MAML3: variants seen among roughly 807,000 people sequenced by gnomAD.
MAML3 encodes mastermind like transcriptional coactivator 3.
A neutral mutation model predicts 101.9 loss-of-function variants in MAML3; 27 were observed. The observed-to-expected ratio is 0.27, with a 90% CI of 0.20 to 0.37. The LOEUF (loss-of-function observed/expected upper bound fraction) is 0.37. MAML3 is among the 10% of genes least tolerant of loss of function. The pLI, the probability that MAML3 is intolerant of heterozygous loss-of-function variation, is 1.00. For synonymous variants in MAML3, 501 were observed against 555.9 expected, an observed-to-expected ratio of 0.90 and a Z score of 1.39; for missense variants, 1,316 against 1,444.9, an observed-to-expected ratio of 0.91 and a Z score of 1.45.
chr4:139,986,713 A>C (rs1734545945), intron 1 of MAML3, among the ~76,000 whole-genome samples: 1 of 152,122 alleles, frequency 6.6e-6, no homozygotes, highest in South Asian at 2.1e-4. Flanking sequence ...CAAACTTGAC[A>C]TTGGAAAGCA....
intron 2 of MAML3, among the ~76,000 whole-genome samples, chr4:139,798,692 C>T (rs1339468283): frequency 6.6e-6 from 1 of 152,216 alleles, no homozygotes; most frequent in Non-Finnish European, 1.5e-5. Context: ...GCCAATTCCA[C>T]AAAAACACCA....
intron 2 of MAML3, chr4:139,888,596 G>T (rs1223158845): frequency 1.9e-6 from 1 of 519,030 alleles, no homozygotes; most frequent in Non-Finnish European, 3.8e-6. Flanking sequence ...CCGACTGGTT[G>T]CTGCTCATTT....
intron 2 of MAML3, among the ~76,000 whole-genome samples, chr4:139,832,282 A>AT (rs201908555): frequency 0.078 from 11,038 of 140,866 alleles, 837 homozygotes; most frequent in African/African-American, 0.21. Flanking sequence ...TTTTTTTTTT[A>AT]TTTTTATTTT....
intron 1 of MAML3, among the ~76,000 whole-genome samples, chr4:139,963,050 C>T (rs774892204): frequency 1.7e-4 from 26 of 152,010 alleles, no homozygotes; most frequent in Non-Finnish European, 3.5e-4. Context: ...TTTTAACATC[C>T]CTGGAAGAAA....
At chr4:139,966,853 G>A (rs1379969478) in intron 1 of MAML3, among the ~76,000 whole-genome samples, 3 of 152,116 alleles carry the variant, frequency 2.0e-5, no homozygotes, top group East Asian at 1.9e-4. Context: ...GAATGACTGC[G>A]ATACAGCCCT....
chr4:139,731,299 T>A (rs908127488), intron 2 of MAML3: 3 of 153,274 alleles, frequency 2.0e-5, no homozygotes, highest in Non-Finnish European at 4.4e-5. Flanking sequence ...CTAATATTTT[T>A]AAAAATAGAA....
chr4:140,146,424 TA>T (rs1407560292), intron 1 of MAML3, among the ~76,000 whole-genome samples: 1 of 152,208 alleles, frequency 6.6e-6, no homozygotes, highest in African/African-American at 2.4e-5. Context: ...TTTAAGTATT[TA>T]TTATACAGCA....
chr4:139,743,108 C>T (rs1729216114), intron 2 of MAML3, among the ~76,000 whole-genome samples: 2 of 152,254 alleles, frequency 1.3e-5, no homozygotes, highest in Admixed American at 1.3e-4. Context: ...CTTCACTCTG[C>T]TTCCCAGATC....
chr4:139,896,544 C>T (rs549302746), intron 1 of MAML3, among the ~76,000 whole-genome samples: 1 of 151,886 alleles, frequency 6.6e-6, no homozygotes, highest in Non-Finnish European at 1.5e-5. Context: ...AATTCATCTT[C>T]CATAATGGCT....
chr4:140,053,307 C>G (rs183430718), intron 1 of MAML3, among the ~76,000 whole-genome samples: 1 of 152,170 alleles, frequency 6.6e-6, no homozygotes, highest in East Asian at 1.9e-4. Flanking sequence ...TCCTACTACT[C>G]CCCTTCATCT....
At chr4:139,838,602 G>C (rs994104622) in intron 2 of MAML3, among the ~76,000 whole-genome samples, 7 of 152,094 alleles carry the variant, frequency 4.6e-5, no homozygotes, top group Non-Finnish European at 1.0e-4. Context: ...TCAGGTCCCT[G>C]AATCAAAAAT....
chr4:140,065,270 T>C (rs577627592), intron 1 of MAML3, among the ~76,000 whole-genome samples: 98 of 152,224 alleles, frequency 6.4e-4, no homozygotes, highest in Admixed American at 3.9e-3. Flanking sequence ...TCAGTTGTAT[T>C]TGGACTTACG....
intron 1 of MAML3, among the ~76,000 whole-genome samples, chr4:140,151,385 G>T (rs1044612185): frequency 3.9e-5 from 6 of 152,192 alleles, no homozygotes; most frequent in Admixed American, 2.6e-4. Context: ...CGTGCGGGGT[G>T]GGGGGACGTG....
intron 1 of MAML3, among the ~76,000 whole-genome samples, chr4:140,098,882 G>A (rs989671931): frequency 6.6e-6 from 1 of 152,170 alleles, no homozygotes; most frequent in African/African-American, 2.4e-5. Context: ...ATTTTGAGGT[G>A]GGGGAGGGAT....
intron 2 of MAML3, among the ~76,000 whole-genome samples, chr4:139,732,844 T>C (rs894594468): frequency 6.6e-6 from 1 of 152,230 alleles, no homozygotes; most frequent in Admixed American, 6.5e-5. Context: ...TTCTATTTTT[T>C]ATGTGTAAAT....
intron 1 of MAML3, among the ~76,000 whole-genome samples, chr4:140,150,054 C>T (rs994147019): frequency 1.4e-5 from 2 of 148,072 alleles, no homozygotes; most frequent in African/African-American, 5.0e-5. Flanking sequence ...GCATGTGAAA[C>T]AGCTGAAGCT....
chr4:140,041,186 T>C (rs1460733789), intron 1 of MAML3, among the ~76,000 whole-genome samples: 2 of 152,148 alleles, frequency 1.3e-5, no homozygotes, highest in African/African-American at 4.8e-5. Flanking sequence ...AGAGGTAAAT[T>C]ACACATTCTG....
chr4:139,729,156 C>CAAAAAAAAAAAAAAAAAAA (rs4057275), intron 3 of MAML3, among the ~76,000 whole-genome samples: 1 of 81,704 alleles, frequency 1.2e-5, no homozygotes, highest in Non-Finnish European at 2.3e-5. Flanking sequence ...GGAACAAAAG[C>CAAAAAAAAAAAAAAAAAAA]AAAAAAAAAA....
chr4:140,099,930 T>C (rs1414373989), intron 1 of MAML3, among the ~76,000 whole-genome samples: 5 of 152,196 alleles, frequency 3.3e-5, no homozygotes, highest in Non-Finnish European at 7.3e-5. Flanking sequence ...TGGCACTCCC[T>C]GTCACAAATC....
Sources: allele counts gnomAD v4.1 joint callset (sites outside exome capture counted in the v4.1 genomes callset), GRCh38; gene constraint gnomAD v4.1.1; transcripts MANE v1.5; gene names NCBI Gene and HGNC (gene_info 2026-07-23, HGNC 2026-07-21).